Variants in PPP3CA observed in about 807,000 individuals in gnomAD.
PPP3CA encodes protein phosphatase 3 catalytic subunit alpha.
In PPP3CA, 14 loss-of-function variants were observed where a neutral mutation model predicts 66.5. That is an observed-to-expected ratio of 0.21 (90% CI 0.14 to 0.33). PPP3CA has a LOEUF of 0.33. Among genes scored for constraint, PPP3CA ranks in the 10% least tolerant of loss-of-function variants. The probability of loss-of-function intolerance (pLI) is 1.00; values close to 1 mark genes in which losing one functional copy is unlikely to be tolerated. For missense variants in PPP3CA, 317 were observed against 639.5 expected (o/e 0.50, Z 5.44); for synonymous variants, 232 against 226.2 (o/e 1.03, Z -0.23).
At chr4:101,333,269 A>C (rs1352443297) in intron 1 of PPP3CA, among the ~76,000 whole-genome samples, 1 of 66,436 alleles carries the variant, frequency 1.5e-5, no homozygotes, top group Non-Finnish European at 3.4e-5. Context: ...TACCATGCCC[A>C]GTTTTTTTTT....
At chr4:101,262,657 A>C (rs1727045444) in intron 1 of PPP3CA, among the ~76,000 whole-genome samples, 1 of 152,130 alleles carries the variant, frequency 6.6e-6, no homozygotes, top group Admixed American at 6.6e-5. Context: ...TAAACCTCTC[A>C]GACTATGATG....
At chr4:101,143,873 C>T (rs758307310) in intron 2 of PPP3CA, among the ~76,000 whole-genome samples, 2 of 152,064 alleles carry the variant, frequency 1.3e-5, no homozygotes, top group East Asian at 3.9e-4. Context: ...CATATTCAGC[C>T]GATTTAAAAT....
chr4:101,344,864 T>G (rs1277009266), intron 1 of PPP3CA, among the ~76,000 whole-genome samples: 2 of 152,232 alleles, frequency 1.3e-5, no homozygotes, highest in Non-Finnish European at 2.9e-5. Flanking sequence ...CTAGTATCAT[T>G]TGAATTATAA....
intron 5 of PPP3CA, among the ~76,000 whole-genome samples, chr4:101,096,793 T>A (rs1035227039): frequency 6.6e-6 from 1 of 152,200 alleles, no homozygotes; most frequent in Admixed American, 6.5e-5. Flanking sequence ...GATACATGAA[T>A]AGATAAAATA....
chr4:101,090,818 A>G (rs1729886423), intron 6 of PPP3CA, among the ~76,000 whole-genome samples: 1 of 150,838 alleles, frequency 6.6e-6, no homozygotes, highest in Non-Finnish European at 1.5e-5. Context: ...TCTGTGTCTA[A>G]TGCCGTAATA....
chr4:101,257,330 CTT>C lies in PPP3CA; in HGVS notation c.59-61216_59-61215del, dbSNP rs11314056. On this transcript the variant is annotated intron_variant, in intron 1 of 13. Coordinates refer to ENST00000394854, the MANE Select transcript of PPP3CA (RefSeq NM_000944.5). ...GAGGTCTCCATCTACATGTATGAGACTTTTTTTTTTTTTTTCAGAATTCCACA... is the reference window on the plus strand; with the variant it reads ...GAGGTCTCCATCTACATGTATGAGACTTTTTTTTTTTTTCAGAATTCCACA... Among the ~76,000 whole-genome samples the C allele has an allele frequency of 3.4e-3, 469 of 138,622 alleles. 1 individual carries two copies. The highest frequency in any genetic ancestry group is 1.0e-2 in the African/African-American group (381 of 38,140). 90.9% of individuals were successfully genotyped at this position (138,622 alleles called of 152,430 possible). A position where few individuals can be genotyped will look rare whatever the true frequency, so the allele number is the denominator to read the frequency against.
chr4:101,295,162 G>A (rs1180097270), intron 1 of PPP3CA, among the ~76,000 whole-genome samples: 26 of 150,844 alleles, frequency 1.7e-4, no homozygotes, highest in African/African-American at 6.1e-4. Flanking sequence ...TTAGCCGGGC[G>A]CGGTGGCGGG....
chr4:101,137,942 C>T (rs962267709), intron 2 of PPP3CA, among the ~76,000 whole-genome samples: 1 of 151,148 alleles, frequency 6.6e-6, no homozygotes, highest in Non-Finnish European at 1.5e-5. Flanking sequence ...TTCAAACCAG[C>T]AAGGACTTTG....
At chr4:101,065,987 C>T (rs747825022) in intron 8 of PPP3CA, among the ~76,000 whole-genome samples, 1 of 152,008 alleles carries the variant, frequency 6.6e-6, no homozygotes, top group Non-Finnish European at 1.5e-5. Flanking sequence ...CTGATATATG[C>T]CAGGCATTAT....
At chr4:101,038,221 C>T (rs1727339102) in intron 11 of PPP3CA, among the ~76,000 whole-genome samples, 1 of 152,150 alleles carries the variant, frequency 6.6e-6, no homozygotes, top group Non-Finnish European at 1.5e-5. Flanking sequence ...CACCACATCT[C>T]TCCCTGCCCT....
chr4:101,061,736 A>C (rs2110225484), intron 9 of PPP3CA, among the ~76,000 whole-genome samples: 1 of 152,256 alleles, frequency 6.6e-6, no homozygotes, highest in South Asian at 2.1e-4. Flanking sequence ...AAAAAATTAA[A>C]CAGTTGCAGT....
intron 1 of PPP3CA, among the ~76,000 whole-genome samples, chr4:101,204,360 G>A (rs948933314): frequency 1.3e-5 from 2 of 151,954 alleles, no homozygotes; most frequent in Admixed American, 6.6e-5. Context: ...AAGTAGGCCG[G>A]GCTCAGTGGC....
At chr4:101,029,032 T>C (rs931951708) in intron 13 of PPP3CA, 134 bp downstream of exon 13, 2 of 689,914 alleles carry the variant, frequency 2.9e-6, no homozygotes, top group Non-Finnish European at 4.8e-6. Flanking sequence ...AGCAAGAACA[T>C]TTTGGTTAAT....
chr4:101,044,293 C>T (rs970382935), intron 10 of PPP3CA, among the ~76,000 whole-genome samples: 4 of 152,126 alleles, frequency 2.6e-5, no homozygotes, highest in African/African-American at 9.7e-5. Context: ...TCCTCACAGT[C>T]CATAATTAAA....
At chr4:101,119,586 T>G (rs779077423) in intron 2 of PPP3CA, among the ~76,000 whole-genome samples, 5 of 152,012 alleles carry the variant, frequency 3.3e-5, no homozygotes, top group Non-Finnish European at 5.9e-5. Flanking sequence ...ATTTTCTACA[T>G]AGGGAAAAAA....
rs368313537 is a variant in PPP3CA, at chr4:101,116,101, CA to C, written c.260-7024del. Among the ~76,000 whole-genome samples the C allele has an allele frequency of 5.5e-3, 838 of 151,958 alleles. 3 individuals are homozygous for C. Among genetic ancestry groups the C allele is most frequent in the African/African-American group, 0.013 (524 of 41,502 alleles). ...TTCTATAAAGACCTTTTAGTTTCTC[CA>C]AAATACTGGCTTTTATCATCTTGGA... On this transcript the variant is annotated intron_variant, in intron 2 of 13. Transcript: ENST00000394854.
chr4:101,032,630 A>G (rs1431236425), intron 11 of PPP3CA, among the ~76,000 whole-genome samples: 3 of 152,046 alleles, frequency 2.0e-5, no homozygotes, highest in Non-Finnish European at 4.4e-5. Context: ...TAGATAGATA[A>G]AGAAAACCAT....
chr4:101,156,280 T>C (rs1007179185), intron 2 of PPP3CA, among the ~76,000 whole-genome samples: 4 of 152,146 alleles, frequency 2.6e-5, no homozygotes, highest in African/African-American at 4.8e-5. Context: ...AGTCCCCATG[T>C]GAAGCCCAGA....
At chr4:101,220,969 A>C (rs920446195) in intron 1 of PPP3CA, among the ~76,000 whole-genome samples, 20 of 151,774 alleles carry the variant, frequency 1.3e-4, no homozygotes, top group African/African-American at 4.8e-4. Flanking sequence ...ACTTTACATG[A>C]GTATTTTAAC....
Sources: gnomAD v4.1 joint callset for allele counts (sites outside exome capture counted in the v4.1 genomes callset) on GRCh38, gnomAD v4.1.1 for gene constraint, MANE v1.5 for transcripts, NCBI Gene and HGNC (gene_info 2026-07-23, HGNC 2026-07-21) for gene names.